PDE4DIP: variants seen among roughly 807,000 people sequenced by gnomAD.
PDE4DIP encodes the protein myomegalin.
In PDE4DIP, 59 loss-of-function variants were observed where a neutral mutation model predicts 221.4. The observed-to-expected ratio is 0.27, with a 90% CI of 0.22 to 0.33. The LOEUF (loss-of-function observed/expected upper bound fraction) is 0.33, where lower values mean the gene tolerates loss of function less well. Among genes scored for constraint, PDE4DIP ranks in the 10% least tolerant of loss-of-function variants. The pLI, the probability that PDE4DIP is intolerant of heterozygous loss-of-function variation, is 1.00. For synonymous variants in PDE4DIP, 404 were observed against 815.9 expected (o/e 0.50, Z 8.60); for missense variants, 1,036 against 2,154.2 (o/e 0.48, Z 10.28).
chr1:149,025,702 T>C (rs1343383494), intron 38 of PDE4DIP: 4 of 148,146 alleles, frequency 2.7e-5, no homozygotes, highest in Non-Finnish European at 5.9e-5. Flanking sequence ...CTGTTCAGTT[T>C]CTCTAAAGCT....
intron 3 of PDE4DIP, among the ~76,000 whole-genome samples, chr1:148,874,736 CCT>C (rs1553416785): frequency 1.2e-5 from 1 of 84,906 alleles, no homozygotes; most frequent in African/African-American, 5.0e-5. Flanking sequence ...CCTCCACTGC[CCT>C]GTCCTGTTTA....
chr1:149,009,864 C>G, intron 30 of PDE4DIP, 73 bp downstream of exon 33: 1 of 1,098,262 alleles, frequency 9.1e-7, no homozygotes, highest in Non-Finnish European at 1.4e-6. Context: ...GGGCTTATAG[C>G]TCCACCATGG....
chr1:149,032,093 G>A (rs781935184), exon 44 of PDE4DIP: 2 of 1,599,754 alleles, frequency 1.3e-6, no homozygotes, highest in African/African-American at 1.3e-5. Context: ...CTGCTGAGGA[G>A]CATCTGGGCC....
chr1:148,955,497 C>T (rs1249783077), intron 5 of PDE4DIP, among the ~76,000 whole-genome samples: 1 of 152,106 alleles, frequency 6.6e-6, no homozygotes, highest in Non-Finnish European at 1.5e-5. Context: ...CAGGCAGTCT[C>T]TCAATTTGGA....
rs375327530 is a variant in PDE4DIP at position 149,029,451 on chromosome 1, C to T, written c.6814-336C>T. Among the ~76,000 whole-genome samples the T allele has an allele frequency of 3.9e-5, 6 of 152,286 alleles. No homozygotes were observed. The East Asian group carries it at 9.6e-4, about 24-fold the overall frequency. On this transcript the variant is annotated intron_variant, in intron 41 of 43. Transcript: ENST00000369354. The stretch of plus-strand genomic sequence containing the variant: ...AACACTTCTGAACTCTCAATCTTAC[C>T]TGTGAAGGGAGAGTGACAGAACTGA...
At chr1:148,970,995 T>A (rs1488572063) in intron 14 of PDE4DIP, among the ~76,000 whole-genome samples, 36 of 151,534 alleles carry the variant, frequency 2.4e-4, no homozygotes, top group Admixed American at 1.8e-3. Flanking sequence ...TTATGATTCA[T>A]CATCTTAGAC....
At chr1:148,998,322 G>A in exon 23 of PDE4DIP, 1 of 1,610,574 alleles carries the variant, frequency 6.2e-7, no homozygotes. Flanking sequence ...AGGAACTGAA[G>A]GAGCTAAAGG....
intron 1 of PDE4DIP, among the ~76,000 whole-genome samples, chr1:148,913,882 G>GGGGTT (rs1553456127): frequency 7.9e-6 from 1 of 126,406 alleles, no homozygotes; most frequent in Non-Finnish European, 1.6e-5. Flanking sequence ...GTGGAGAGTA[G>GGGGTT]GGGTTCAGTT....
intron 5 of PDE4DIP, chr1:148,953,919 C>G (rs782040770): frequency 1.2e-6 from 2 of 1,600,542 alleles, no homozygotes; most frequent in Non-Finnish European, 1.7e-6. Context: ...TACAAAACGG[C>G]TACATAGTGC....
chr1:148,948,359 T>C (rs1263281559), intron 5 of PDE4DIP, among the ~76,000 whole-genome samples: 3 of 151,866 alleles, frequency 2.0e-5, no homozygotes, highest in Non-Finnish European at 4.4e-5. Context: ...TACATATGCA[T>C]ATAAAATATT....
At chr1:148,964,394 C>A (rs1553515995) in intron 9 of PDE4DIP, among the ~76,000 whole-genome samples, 1 of 152,038 alleles carries the variant, frequency 6.6e-6, no homozygotes, top group South Asian at 2.1e-4. Flanking sequence ...AGGCGTGAGC[C>A]ACCACGCTGG....
rs587648016 is a variant in PDE4DIP at position 148,989,273 on chromosome 1, A to T, written c.2816-2612A>T. The T allele has an allele frequency of 1.9e-5, 12 of 638,970 alleles. No individual in the cohort carries two copies. In the East Asian group the frequency reaches 1.2e-3, roughly 63 times the overall value. 39.6% of individuals were successfully genotyped at this position (638,970 alleles called of 1,614,324 possible). A position where few individuals can be genotyped will look rare whatever the true frequency, so the allele number is the denominator to read the frequency against. ...CAACCCTTAAAGCTGCCATAATGGA[A>T]GAAGACTGTGAGCTAGCTTAAAAAA... On this transcript the variant is annotated intron_variant, in intron 21 of 43. Coordinates refer to ENST00000369354, the Ensembl canonical transcript of PDE4DIP.
intron 1 of PDE4DIP, among the ~76,000 whole-genome samples, chr1:148,905,147 A>G (rs372774334): frequency 4.6e-3 from 354 of 77,614 alleles, no homozygotes; most frequent in Non-Finnish European, 7.6e-3. Flanking sequence ...GGAGGGTTGT[A>G]TCTTTCCAGG....
chr1:149,022,150 G>T (rs1466566876), intron 37 of PDE4DIP, among the ~76,000 whole-genome samples: 2 of 146,412 alleles, frequency 1.4e-5, no homozygotes, highest in Admixed American at 6.8e-5. Flanking sequence ...GACAAAGGTT[G>T]CTAGAAATGC....
intron 5 of PDE4DIP, among the ~76,000 whole-genome samples, chr1:148,959,139 A>G (rs2056197105): frequency 6.6e-6 from 1 of 151,894 alleles, no homozygotes; most frequent in African/African-American, 2.4e-5. Context: ...TTGTTTGTTT[A>G]TCATGTACTC....
chr1:149,018,209 C>T (rs2071369181), intron 34 of PDE4DIP: 1 of 384,266 alleles, frequency 2.6e-6, no homozygotes, highest in African/African-American at 2.0e-5. Context: ...GCCTCTTTAC[C>T]AAGGTGGCCT....
chr1:148,991,520 C>A (rs1427655922), intron 21 of PDE4DIP: 1 of 982,906 alleles, frequency 1.0e-6, no homozygotes, highest in African/African-American at 1.7e-5. Context: ...AAGGGTTAAG[C>A]ATGTTGGACT....
At chr1:148,955,418 G>A (rs147930144) in intron 5 of PDE4DIP, among the ~76,000 whole-genome samples, 2 of 151,900 alleles carry the variant, frequency 1.3e-5, no homozygotes, top group Non-Finnish European at 2.9e-5. Context: ...TTTTTTCTCC[G>A]TATTTAAATA....
At chr1:149,028,887 A>G (rs1430145675) in intron 41 of PDE4DIP, among the ~76,000 whole-genome samples, 184 bp downstream of exon 44, 8 of 152,014 alleles carry the variant, frequency 5.3e-5, no homozygotes, top group Non-Finnish European at 2.9e-5. Context: ...CTTTCATTAC[A>G]GCTCTGAATA....
Sources: allele counts gnomAD v4.1 joint callset (sites outside exome capture counted in the v4.1 genomes callset), GRCh38; gene constraint gnomAD v4.1.1; transcripts MANE v1.5; gene names NCBI Gene and HGNC (gene_info 2026-07-23, HGNC 2026-07-21).